MSANTD5: variants seen among roughly 807,000 people sequenced by gnomAD.
MSANTD5 encodes Myb/SANT DNA binding domain containing 5, also known as uncharacterized protein MSANTD5.
At chr5:178,706,420 C>G in the MSANTD5 span, among the ~76,000 whole-genome samples, 1 of 152,086 alleles carries the variant, frequency 6.6e-6, no homozygotes, top group African/African-American at 2.4e-5. Flanking sequence ...TGTTGCACTG[C>G]GGCTCTGCTG....
chr5:178,702,345 G>C (rs1029512778), upstream of MSANTD5, among the ~76,000 whole-genome samples: 1 of 143,558 alleles, frequency 7.0e-6, no homozygotes. Flanking sequence ...CTGTCGCCCA[G>C]GCTGGAGTGC....
In MSANTD5 at chr5:178,696,878, G is replaced by A. The variant is rs1408954601; in HGVS notation, c.7-697C>T. ...TCCAAGCAGATCAGAGCATGAATGA[G>A]AGGAAACTGCCTGGGCTGGGAAAAC... On this transcript the variant is annotated intron_variant, in intron 1 of 3. Transcript: ENST00000648368. 2.6e-5 allele frequency among the ~76,000 whole-genome samples: 4 copies of A among 152,014 alleles called. No individual in the cohort carries two copies. In the East Asian group the frequency reaches 7.7e-4, roughly 29 times the overall value.
chr5:178,697,759 T>G (rs549313508), upstream of MSANTD5: 14 of 152,332 alleles, frequency 9.2e-5, no homozygotes, highest in African/African-American at 3.4e-4. Flanking sequence ...TCTGGAGGTC[T>G]CTGAAGCCAA....
At chr5:178,698,178 C>G (rs1161558464), upstream of MSANTD5, among the ~76,000 whole-genome samples, 1 of 152,100 alleles carries the variant, frequency 6.6e-6, no homozygotes, top group African/African-American at 2.4e-5. Flanking sequence ...GATGTGGGAC[C>G]CTCTATGAGA....
chr5:178,699,474 C>G (rs1295828861), upstream of MSANTD5, among the ~76,000 whole-genome samples: 1 of 149,824 alleles, frequency 6.7e-6, no homozygotes, highest in African/African-American at 2.4e-5. Flanking sequence ...CTCACCCAAG[C>G]TGGAGTACAG....
At chr5:178,699,333 G>A (rs917737894), upstream of MSANTD5, among the ~76,000 whole-genome samples, 3 of 152,102 alleles carry the variant, frequency 2.0e-5, no homozygotes, top group Admixed American at 1.3e-4. Context: ...TATCCAGGCT[G>A]TTTCAAAAAC....
At chr5:178,691,572 C>A (rs1396424968), downstream of MSANTD5, among the ~76,000 whole-genome samples, 1 of 136,258 alleles carries the variant, frequency 7.3e-6, no homozygotes, top group Non-Finnish European at 1.7e-5. Flanking sequence ...AAAGTCTTTT[C>A]TCTGTGAAAG....
At chr5:178,694,348 A>G (rs1276107662), downstream of MSANTD5, among the ~76,000 whole-genome samples, 1 of 150,078 alleles carries the variant, frequency 6.7e-6, no homozygotes, top group Non-Finnish European at 1.5e-5. Flanking sequence ...AGATTCTATG[A>G]TCACACAGCC....
At chr5:178,697,408 C>A (rs537338678) in intron 1 of MSANTD5, among the ~76,000 whole-genome samples, 178 bp downstream of exon 1, 23 of 152,146 alleles carry the variant, frequency 1.5e-4, no homozygotes, top group African/African-American at 5.3e-4. Context: ...GAGCCGGGAT[C>A]GCGCCCCTGC....
the MSANTD5 span, among the ~76,000 whole-genome samples, chr5:178,704,953 G>A: frequency 1.3e-5 from 2 of 152,168 alleles, no homozygotes; most frequent in African/African-American, 2.4e-5. Flanking sequence ...TGTGCCGGAC[G>A]GGAGCACAAG....
the MSANTD5 span, chr5:178,707,029 CACAGTTGTG>C: frequency 6.6e-6 from 1 of 152,160 alleles, no homozygotes; most frequent in Non-Finnish European, 1.5e-5. Flanking sequence ...CTCCAGATTT[CACAGTTGTG>C]ACTTCAGTTC....
intron 1 of MSANTD5, among the ~76,000 whole-genome samples, chr5:178,697,314 C>G (rs1048311440): frequency 1.3e-5 from 2 of 151,298 alleles, no homozygotes; most frequent in African/African-American, 2.4e-5. Flanking sequence ...ATTAGCCGGG[C>G]GTGGTGGCGG....
At chr5:178,694,088 G>A (rs557618021), downstream of MSANTD5, among the ~76,000 whole-genome samples, 4 of 152,048 alleles carry the variant, frequency 2.6e-5, no homozygotes, top group South Asian at 2.1e-4. Context: ...AGGCCAAGGC[G>A]AGTGGATCAC....
At chr5:178,691,815 A>G (rs1765360016), downstream of MSANTD5, among the ~76,000 whole-genome samples, 1 of 136,638 alleles carries the variant, frequency 7.3e-6, no homozygotes, top group African/African-American at 2.6e-5. Context: ...CCGCCAGGGA[A>G]CTGAAAATGG....
At chr5:178,698,777 G>T (rs1765447272), upstream of MSANTD5, among the ~76,000 whole-genome samples, 1 of 132,384 alleles carries the variant, frequency 7.6e-6, no homozygotes, top group Non-Finnish European at 1.6e-5. Context: ...TTTTTGTAGA[G>T]ACAGGGTCTC....
At chr5:178,695,742 G>A (rs1765405828) in intron 2 of MSANTD5, 144 bp from the exon 3 acceptor site, 1 of 152,228 alleles carries the variant, frequency 6.6e-6, no homozygotes, top group Non-Finnish European at 1.5e-5. Context: ...GAGAGATTCA[G>A]CATCTGCCTG....
upstream of MSANTD5, among the ~76,000 whole-genome samples, chr5:178,702,458 G>A (rs984215316): frequency 2.0e-5 from 3 of 151,672 alleles, no homozygotes; most frequent in Non-Finnish European, 2.9e-5. Context: ...CCGCCACCAC[G>A]CCCAGCTAAT....
the MSANTD5 span, among the ~76,000 whole-genome samples, chr5:178,704,349 G>A: frequency 3.3e-3 from 501 of 152,280 alleles, 1 homozygote; most frequent in African/African-American, 0.011. Context: ...TGAGGGTGGA[G>A]CCCTCCTGCA....
At chr5:178,700,564 G>GAGACT (rs1765466333), upstream of MSANTD5, among the ~76,000 whole-genome samples, 1 of 116,132 alleles carries the variant, frequency 8.6e-6, no homozygotes, top group Admixed American at 9.4e-5. Context: ...TGGGAGGTGG[G>GAGACT]AGATTAGATT....
Sources: gnomAD v4.1 joint callset for allele counts (sites outside exome capture counted in the v4.1 genomes callset) on GRCh38, gnomAD v4.1.1 for gene constraint, MANE v1.5 for transcripts, NCBI Gene and HGNC (gene_info 2026-07-23, HGNC 2026-07-21) for gene names.